MYH11: variants seen among roughly 807,000 people sequenced by gnomAD.
The protein encoded by MYH11 is myosin-11.
In MYH11, 80 loss-of-function variants were observed where a neutral mutation model predicts 246.6. The observed-to-expected ratio is 0.32, with a 90% CI of 0.27 to 0.39. MYH11 has a LOEUF of 0.39. MYH11 is among the 10% of genes least tolerant of loss of function. MYH11 has a pLI of 1.00. For synonymous variants in MYH11, 1,071 were observed against 1,015.5 expected, an observed-to-expected ratio of 1.05 and a Z score of -1.04; for missense variants, 2,158 against 2,546.8, an observed-to-expected ratio of 0.85 and a Z score of 3.29.
chr16:15,843,625 G>A (rs936114874), intron 1 of MYH11, among the ~76,000 whole-genome samples: 10 of 151,676 alleles, frequency 6.6e-5, no homozygotes, highest in African/African-American at 1.7e-4. Context: ...CCTGGGAGGC[G>A]GAGCTTGCAG....
chr16:15,855,963 C>T (rs1024960597), intron 1 of MYH11, among the ~76,000 whole-genome samples: 6 of 152,182 alleles, frequency 3.9e-5, no homozygotes, highest in Non-Finnish European at 7.3e-5. Flanking sequence ...ACAAGCATGG[C>T]TTTGGATGGT....
chr16:15,703,813 G>A lies in MYH11; in HGVS notation c.*178C>T. The A allele has an allele frequency of 1.2e-6, 1 of 854,062 alleles. No homozygotes were observed. The highest frequency in any genetic ancestry group is 1.9e-6 in the Non-Finnish European group (1 of 527,174). The allele number at this position is 854,062 out of a possible 1,614,324, so 52.9% of individuals were successfully genotyped here. A position where few individuals can be genotyped will look rare whatever the true frequency, so the allele number is the denominator to read the frequency against. The stretch of plus-strand genomic sequence containing the variant: ...ACGTTGCCCAGGCTGGAGGGTGGTG[G>A]TTTTTATATTCCTTGTGTGAGGGGT... On this transcript the variant is annotated 3_prime_UTR_variant, in exon 41 of 41. Coordinates refer to ENST00000300036, the MANE Select transcript of MYH11 (RefSeq NM_002474.3).
intron 3 of MYH11, among the ~76,000 whole-genome samples, chr16:15,815,875 G>A (rs771227736): frequency 6.6e-6 from 1 of 151,982 alleles, no homozygotes; most frequent in Admixed American, 6.6e-5. Context: ...ACACACATAC[G>A]AATCAGATTG....
At chr16:15,843,805 G>T (rs2044119085) in intron 1 of MYH11, among the ~76,000 whole-genome samples, 1 of 152,152 alleles carries the variant, frequency 6.6e-6, no homozygotes, top group Admixed American at 6.6e-5. Flanking sequence ...ACATTTCCTG[G>T]TGCATTAGCT....
chr16:15,729,123 G>C (rs1443871911), intron 27 of MYH11, among the ~76,000 whole-genome samples: 1 of 151,994 alleles, frequency 6.6e-6, no homozygotes, highest in Non-Finnish European at 1.5e-5. Context: ...GGGACAGGGA[G>C]TCTCTTGGTG....
At chr16:15,777,312 G>A (rs1423298959) in intron 7 of MYH11, among the ~76,000 whole-genome samples, 1 of 152,130 alleles carries the variant, frequency 6.6e-6, no homozygotes, top group African/African-American at 2.4e-5. Flanking sequence ...AGTAGAGACA[G>A]GGTTTCACCA....
chr16:15,729,949 G>A (rs959439845), intron 27 of MYH11, among the ~76,000 whole-genome samples: 2 of 152,118 alleles, frequency 1.3e-5, no homozygotes, highest in African/African-American at 2.4e-5. Context: ...GCCTCCCAAA[G>A]TGCTGGGATT....
intron 10 of MYH11, 55 bp downstream of exon 10, chr16:15,763,741 T>TGGGGGCCCCCCCCCCCCCCCC: frequency 6.2e-6 from 4 of 646,848 alleles, no homozygotes; most frequent in Non-Finnish European, 2.9e-6. Flanking sequence ...AAATGTCACC[T>TGGGGGCCCCCCCCCCCCCCCC]CCCCCACCCC....
At position 15,732,584 on chromosome 16, in the gene MYH11, G is replaced by T; in HGVS notation, c.3631C>A (p.Gln1211Lys). Residue 1211 changes from glutamine (Q) to lysine (K), a missense_variant, in exon 27 of 41, where the codon CAG becomes AAG. Around this residue, in one of 11 missense-constraint regions of MYH11, gnomAD observed 1,013 missense variants for 993.5 expected, o/e 1.02. Coordinates refer to ENST00000300036, the MANE Select transcript of MYH11 (RefSeq NM_002474.3). Reference sequence around the variant, plus strand: ...ATTACCCTCTTGAACTGCTCAAGCTGCTCTGTGAGCTCCTCCACCGCCTGT... The same window carrying T: ...ATTACCCTCTTGAACTGCTCAAGCTTCTCTGTGAGCTCCTCCACCGCCTGT... ...HAQAVEELTEQLEQFKRAKAN... is the reference protein window; with the variant it reads ...HAQAVEELTEKLEQFKRAKAN... 6.2e-7 allele frequency: 1 copy of T among 1,614,244 alleles called. No individual in the cohort carries two copies. The highest frequency in any genetic ancestry group is 8.5e-7 in the Non-Finnish European group (1 of 1,180,040).
In MYH11 at chr16:15,717,125, TC is replaced by T; in HGVS notation, c.5504+14del. The T allele has an allele frequency of 1.2e-6, 2 of 1,614,064 alleles. No individual in the cohort carries two copies. Among genetic ancestry groups the T allele is most frequent in the Non-Finnish European group, 1.7e-6 (2 of 1,179,930 alleles). ...CCCCCCTGCAAACTGGGTTCGGAAC[TC>T]CACACCCGCATACCTGGCCTCCTGC... On this transcript the variant is annotated intron_variant, in intron 38 of 40. Coordinates refer to ENST00000300036, the MANE Select transcript of MYH11 (RefSeq NM_002474.3).
intron 5 of MYH11, chr16:15,784,920 A>T: frequency 1.7e-6 from 1 of 586,692 alleles, no homozygotes; most frequent in Non-Finnish European, 3.0e-6. Context: ...TGCAGTCTCA[A>T]CCTACTGGGC....
chr16:15,750,084 G>C lies in MYH11; in HGVS notation c.2058+54C>G. The C allele has an allele frequency of 6.2e-7, 1 of 1,606,752 alleles. No homozygotes were observed. Among genetic ancestry groups the C allele is most frequent in the South Asian group, 1.1e-5 (1 of 90,716 alleles). ...AGGGCGCCCTGGGGACGCTGTGACC[G>C]CTTGGGACAGCCCTGGCTTCTGGGA... On this transcript the variant is annotated intron_variant, in intron 16 of 40. Transcript: ENST00000300036. The surrounding 1 kb of genome is among the most constrained non-coding windows in gnomAD (Gnocchi z 4.3).
At chr16:15,779,862 G>A (rs568067831) in intron 6 of MYH11, among the ~76,000 whole-genome samples, 11 of 152,350 alleles carry the variant, frequency 7.2e-5, no homozygotes, top group African/African-American at 2.6e-4. Context: ...GGTGAGACAG[G>A]ATTTCATCCT....
intron 14 of MYH11, 59 bp downstream of exon 14, chr16:15,756,282 C>T (rs560111482): frequency 1.9e-5 from 30 of 1,583,278 alleles, no homozygotes; most frequent in African/African-American, 6.7e-5. Flanking sequence ...ACTGTCTCTG[C>T]GCTGAGCAGC....
intron 2 of MYH11, among the ~76,000 whole-genome samples, chr16:15,827,810 G>A (rs757312017): frequency 6.6e-6 from 1 of 152,214 alleles, no homozygotes; most frequent in Non-Finnish European, 1.5e-5. Context: ...GGTACTCAGT[G>A]GACTACACTG....
At chr16:15,706,590 C>T (rs1218711612) in intron 40 of MYH11, among the ~76,000 whole-genome samples, 5 of 152,062 alleles carry the variant, frequency 3.3e-5, no homozygotes, top group Admixed American at 3.3e-4. Context: ...GCCTGGAATC[C>T]CAGTCACTCA....
intron 22 of MYH11, among the ~76,000 whole-genome samples, chr16:15,740,948 G>T (rs1287569347): frequency 2.6e-5 from 4 of 152,110 alleles, no homozygotes; most frequent in Non-Finnish European, 5.9e-5. Flanking sequence ...AGCCCTGAGG[G>T]GAGAGGCCTT....
intron 14 of MYH11, among the ~76,000 whole-genome samples, chr16:15,754,073 C>G (rs1332098139): frequency 6.7e-6 from 1 of 150,180 alleles, no homozygotes; most frequent in Non-Finnish European, 1.5e-5. Flanking sequence ...AAAAATTAGC[C>G]AGGCATGGTG....
chr16:15,780,937 A>T (rs1397552730), intron 6 of MYH11, among the ~76,000 whole-genome samples: 2 of 152,222 alleles, frequency 1.3e-5, no homozygotes, highest in Non-Finnish European at 2.9e-5. Context: ...TCCCATGCCA[A>T]CATCATCAGT....
Sources: allele counts gnomAD v4.1 joint callset (sites outside exome capture counted in the v4.1 genomes callset), GRCh38; gene constraint gnomAD v4.1.1; regional missense constraint gnomAD v4.1.1; non-coding constraint Gnocchi (gnomAD v3.1); transcripts MANE v1.5; gene names NCBI Gene and HGNC (gene_info 2026-07-23, HGNC 2026-07-21).